DPP10: variants seen among roughly 807,000 people sequenced by gnomAD.
DPP10 encodes the protein dipeptidyl peptidase like 10, also known as inactive dipeptidyl peptidase 10.
A neutral mutation model predicts 120.9 loss-of-function variants in DPP10; 33 were observed. The ratio of observed to expected loss-of-function variants is 0.27; its 90% CI spans 0.21 to 0.37. The LOEUF is 0.37. Ranked by LOEUF, DPP10 falls within the 10% of genes least tolerant of loss-of-function variation. The pLI, the probability that DPP10 is intolerant of heterozygous loss-of-function variation, is 1.00. For synonymous variants in DPP10, 337 were observed against 326.1 expected (o/e 1.03, Z -0.36); for missense variants, 816 against 942.8 (o/e 0.87, Z 1.76).
chr2:115,175,329 G>A (rs904823524), intron 1 of DPP10, among the ~76,000 whole-genome samples: 1 of 152,076 alleles, frequency 6.6e-6, no homozygotes, highest in African/African-American at 2.4e-5. Context: ...CCTGCTCCGT[G>A]ATTGCTTGGT....
rs142063395 is a variant in DPP10, at chr2:114,608,825, G to A, written c.60+165987G>A. Among the ~76,000 whole-genome samples the A allele has an allele frequency of 2.6e-5, 4 of 152,170 alleles. No homozygotes were observed. In the East Asian group the frequency reaches 5.8e-4, roughly 22 times the overall value. ...ATACTACATATTCTGACATATAAAT[G>A]GGAGCTAAATATTGGGTAGTTAGGG... On this transcript the variant is annotated intron_variant, in intron 1 of 25. Transcript: ENST00000410059.
chr2:115,547,332 AT>A (rs1575148174), intron 5 of DPP10, among the ~76,000 whole-genome samples: 1 of 152,184 alleles, frequency 6.6e-6, no homozygotes, highest in East Asian at 1.9e-4. Context: ...AAACTTCAAG[AT>A]TTGTGCAAAA....
In DPP10 at chr2:115,717,696, G is replaced by A. The variant is rs142125400; in HGVS notation, c.577-10120G>A. Among the ~76,000 whole-genome samples the A allele has an allele frequency of 3.7e-3, 561 of 152,268 alleles. 3 individuals are homozygous for A. The highest frequency in any genetic ancestry group is 0.013 in the African/African-American group (541 of 41,542). On this transcript the variant is annotated intron_variant, in intron 7 of 25. Coordinates refer to ENST00000410059, the MANE Select transcript of DPP10 (RefSeq NM_020868.6). The stretch of plus-strand genomic sequence containing the variant: ...GAACAGGAGTTAGGAGGGCCTACAC[G>A]TTTTTGAACATAGGAATGTGTTCAG...
chr2:115,373,563 G>C (rs186117150), intron 3 of DPP10, among the ~76,000 whole-genome samples: 2 of 152,068 alleles, frequency 1.3e-5, no homozygotes, highest in East Asian at 3.9e-4. Context: ...ATATGAAAAA[G>C]GAGCTCAAAA....
chr2:115,129,627 A>C (rs2050240896), intron 1 of DPP10, among the ~76,000 whole-genome samples: 1 of 152,102 alleles, frequency 6.6e-6, no homozygotes, highest in South Asian at 2.1e-4. Context: ...CCAAACCATC[A>C]CGATTTCTGT....
At chr2:114,872,180 C>G (rs1383957731) in intron 1 of DPP10, among the ~76,000 whole-genome samples, 1 of 152,178 alleles carries the variant, frequency 6.6e-6, no homozygotes, top group Non-Finnish European at 1.5e-5. Flanking sequence ...AATTGACTCA[C>G]AGTTTCACAT....
chr2:114,647,107 C>A (rs1323079769), intron 1 of DPP10, among the ~76,000 whole-genome samples: 7 of 152,188 alleles, frequency 4.6e-5, no homozygotes. Flanking sequence ...GTATATTCAA[C>A]AGAATCCTGA....
At chr2:115,182,005 T>C (rs562203800) in intron 1 of DPP10, among the ~76,000 whole-genome samples, 1 of 152,332 alleles carries the variant, frequency 6.6e-6, no homozygotes, top group Admixed American at 6.5e-5. Context: ...GAAAACAGTC[T>C]TTCATGTGCA....
chr2:115,288,678 T>C (rs1426233414), intron 1 of DPP10, among the ~76,000 whole-genome samples: 1 of 151,948 alleles, frequency 6.6e-6, no homozygotes, highest in African/African-American at 2.4e-5. Flanking sequence ...GCTGAGATCA[T>C]GCCACTGCAC....
intron 5 of DPP10, among the ~76,000 whole-genome samples, chr2:115,627,805 T>A (rs2085486009): frequency 6.6e-6 from 1 of 152,134 alleles, no homozygotes; most frequent in Non-Finnish European, 1.5e-5. Context: ...CTGTGTTAGT[T>A]TGCTGAGGAT....
chr2:115,373,164 T>C (rs1210039826), intron 3 of DPP10, among the ~76,000 whole-genome samples: 1 of 152,222 alleles, frequency 6.6e-6, no homozygotes, highest in Non-Finnish European at 1.5e-5. Flanking sequence ...AATAGCTCTT[T>C]AGTAAATATG....
At chr2:114,541,573 C>T (rs1686958126) in intron 1 of DPP10, among the ~76,000 whole-genome samples, 1 of 151,960 alleles carries the variant, frequency 6.6e-6, no homozygotes, top group South Asian at 2.1e-4. Flanking sequence ...TTGCAGAAGG[C>T]TAAGCTTTAA....
chr2:115,366,797 TA>T (rs2065105120), intron 3 of DPP10, among the ~76,000 whole-genome samples: 1 of 152,064 alleles, frequency 6.6e-6, no homozygotes, highest in African/African-American at 2.4e-5. Flanking sequence ...TGCATTCCTG[TA>T]ATAATTGATA....
chr2:115,030,376 T>C (rs1310825587), intron 1 of DPP10, among the ~76,000 whole-genome samples: 2 of 152,208 alleles, frequency 1.3e-5, no homozygotes, highest in Non-Finnish European at 2.9e-5. Flanking sequence ...TGGAATTGTG[T>C]ATCAATCTTA....
At chr2:115,733,318 T>A (rs2092954958) in intron 8 of DPP10, among the ~76,000 whole-genome samples, 1 of 152,192 alleles carries the variant, frequency 6.6e-6, no homozygotes, top group Non-Finnish European at 1.5e-5. Context: ...TATTGAGCAC[T>A]TGCTCAGTGT....
intron 21 of DPP10, among the ~76,000 whole-genome samples, chr2:115,823,509 G>C (rs17045127): frequency 0.013 from 1,963 of 152,134 alleles, 44 homozygotes; most frequent in African/African-American, 0.043. Flanking sequence ...ACCAAAGAAG[G>C]CATTAGAACG....
At chr2:114,843,977 G>A (rs1016240585) in intron 1 of DPP10, among the ~76,000 whole-genome samples, 4 of 152,256 alleles carry the variant, frequency 2.6e-5, no homozygotes, top group African/African-American at 9.6e-5. Flanking sequence ...TGTCTTTGGT[G>A]TAAACAACAC....
rs917677978 is a variant in DPP10 at position 114,871,126 on chromosome 2, C to G, written c.60+428288C>G. On this transcript the variant is annotated intron_variant, in intron 1 of 25. Coordinates refer to ENST00000410059, the MANE Select transcript of DPP10 (RefSeq NM_020868.6). ...CCTTCAGAGAAGGCTGGTATTTACC[C>G]TCTAGCTTTCCCGATTTGAACTACG... Among the ~76,000 whole-genome samples the G allele has an allele frequency of 6.7e-5, 9 of 134,642 alleles. 1 individual carries two copies. The South Asian group carries it at 2.1e-3, about 32-fold the overall frequency. The allele number at this position is 134,642 out of a possible 152,430, so 88.3% of individuals were successfully genotyped here. A position where few individuals can be genotyped will look rare whatever the true frequency, so the allele number is the denominator to read the frequency against.
intron 4 of DPP10, among the ~76,000 whole-genome samples, chr2:115,502,781 A>G (rs1414637417): frequency 6.6e-6 from 1 of 151,522 alleles, no homozygotes; most frequent in Non-Finnish European, 1.5e-5. Flanking sequence ...CAGTCTTTAA[A>G]CTCCTGGGCT....
Sources: gnomAD v4.1 joint callset for allele counts (sites outside exome capture counted in the v4.1 genomes callset) on GRCh38, gnomAD v4.1.1 for gene constraint, MANE v1.5 for transcripts, NCBI Gene and HGNC (gene_info 2026-07-23, HGNC 2026-07-21) for gene names.